The following GLIPR1L2 variants were observed in gnomAD, a reference collection of about 807,000 sequenced individuals.
GLIPR1L2 encodes the protein GLIPR1-like protein 2.
GLIPR1L2 carries 21 observed loss-of-function variants against 28.4 expected under a neutral mutation model. The observed-to-expected ratio is 0.74, with a 90% CI of 0.52 to 1.06. The LOEUF (loss-of-function observed/expected upper bound fraction) is 1.06, where lower values mean the gene tolerates loss of function less well. GLIPR1L2 is among the 50% of genes least tolerant of loss of function. The pLI, the probability that GLIPR1L2 is intolerant of heterozygous loss-of-function variation, is 0.00. For missense variants in GLIPR1L2, 476 were observed against 416.9 expected (o/e 1.14, Z -1.23); for synonymous variants, 145 against 139.3 (o/e 1.04, Z -0.29).
At chr12:75,406,757 CAAA>C (rs373650750) in intron 1 of GLIPR1L2, among the ~76,000 whole-genome samples, 3 of 110,458 alleles carry the variant, frequency 2.7e-5, no homozygotes, top group Admixed American at 9.6e-5. Context: ...GTCCCTATCT[CAAA>C]AAAAAAAAAA....
In GLIPR1L2 at chr12:75,411,643, A is replaced by G. The variant is rs143370528; in HGVS notation, c.480+964A>G. 3.7e-3 allele frequency among the ~76,000 whole-genome samples: 557 copies of G among 151,892 alleles called. 2 individuals are homozygous for G. The highest frequency in any genetic ancestry group is 0.012 in the African/African-American group (510 of 41,462). ...ATAGTACTCTGTGTTTTTACTCCTT[A>G]ATTCTAGTCTCCTAGACCTTTTCGT... On this transcript the variant is annotated intron_variant, in intron 2 of 5. Transcript: ENST00000550916.
chr12:75,428,172 G>T (rs559461833), intron 4 of GLIPR1L2, among the ~76,000 whole-genome samples: 10 of 152,304 alleles, frequency 6.6e-5, no homozygotes, highest in Admixed American at 5.9e-4. Flanking sequence ...TGCTGATAGT[G>T]ATATGGACAA....
intron 1 of GLIPR1L2, among the ~76,000 whole-genome samples, chr12:75,394,781 A>C (rs1027877886): frequency 1.3e-5 from 2 of 151,216 alleles, no homozygotes; most frequent in Non-Finnish European, 3.0e-5. Context: ...AAAAAAAAAA[A>C]AAACATTATT....
intron 1 of GLIPR1L2, among the ~76,000 whole-genome samples, chr12:75,393,161 T>C (rs2045648988): frequency 6.6e-6 from 1 of 152,166 alleles, no homozygotes; most frequent in Non-Finnish European, 1.5e-5. Context: ...ATTCATGCTA[T>C]TGCCGTGTAG....
intron 1 of GLIPR1L2, 127 bp from the exon 2 acceptor site, chr12:75,410,307 T>C: frequency 1.2e-6 from 1 of 866,878 alleles, no homozygotes; most frequent in Non-Finnish European, 1.7e-6. Context: ...CAGAAATTTC[T>C]CAACCAAGAT....
At chr12:75,425,648 A>G (rs1374209461) in intron 4 of GLIPR1L2, among the ~76,000 whole-genome samples, 1 of 152,182 alleles carries the variant, frequency 6.6e-6, no homozygotes, top group Non-Finnish European at 1.5e-5. Context: ...AACAATATTT[A>G]TTGCTTTCTG....
chr12:75,411,525 T>C (rs1258530284), intron 2 of GLIPR1L2, among the ~76,000 whole-genome samples: 1 of 151,768 alleles, frequency 6.6e-6, no homozygotes. Context: ...TTCTAGAAAG[T>C]TACAGTGATT....
At chr12:75,392,761 GGT>G (rs1435557928) in intron 1 of GLIPR1L2, among the ~76,000 whole-genome samples, 3 of 151,460 alleles carry the variant, frequency 2.0e-5, no homozygotes, top group African/African-American at 7.3e-5. Flanking sequence ...TCAAACATAA[GGT>G]ATATAAAATA....
intron 1 of GLIPR1L2, among the ~76,000 whole-genome samples, chr12:75,393,703 A>G (rs1366606117): frequency 6.6e-6 from 1 of 152,050 alleles, no homozygotes; most frequent in African/African-American, 2.4e-5. Context: ...TGCTATAGAC[A>G]TGGGTGTACA....
intron 1 of GLIPR1L2, among the ~76,000 whole-genome samples, chr12:75,395,811 A>C (rs922043650): frequency 1.3e-5 from 2 of 151,738 alleles, no homozygotes; most frequent in African/African-American, 2.4e-5. Context: ...GATCTTTTTG[A>C]AGAACCAGCT....
At chr12:75,419,215 G>A (rs2045953838) in intron 3 of GLIPR1L2, among the ~76,000 whole-genome samples, 1 of 152,110 alleles carries the variant, frequency 6.6e-6, no homozygotes. Flanking sequence ...GGAGAAAATA[G>A]GAGAGAAAAT....
chr12:75,406,365 T>C (rs890926844), intron 1 of GLIPR1L2, among the ~76,000 whole-genome samples: 1 of 152,134 alleles, frequency 6.6e-6, no homozygotes, highest in Non-Finnish European at 1.5e-5. Context: ...AACCATAGAC[T>C]ATCTCAAAGA....
rs376936307 is a variant in GLIPR1L2, at chr12:75,406,652, G to A, written c.235-3782G>A. On this transcript the variant is annotated intron_variant, in intron 1 of 5. Coordinates refer to ENST00000550916, the MANE Select transcript of GLIPR1L2 (RefSeq NM_001270396.2). ...GCACACCTGTAATCCCAGCTACTAG[G>A]GAGGCTAACAAAGGAGGATCAGTTG... 4.5e-4 allele frequency among the ~76,000 whole-genome samples: 68 copies of A among 151,604 alleles called. 1 individual carries two copies. The South Asian group carries it at 0.01, about 23-fold the overall frequency.
intron 1 of GLIPR1L2, among the ~76,000 whole-genome samples, chr12:75,407,907 G>A (rs1390162592): frequency 2.6e-5 from 4 of 151,988 alleles, no homozygotes; most frequent in African/African-American, 4.8e-5. Flanking sequence ...ACATGTATGA[G>A]AGTTTATGAT....
At chr12:75,418,047 A>G (rs4394867) in intron 3 of GLIPR1L2, among the ~76,000 whole-genome samples, 52,943 of 151,876 alleles carry the variant, frequency 0.35, 9,596 homozygotes, top group East Asian at 0.46. Flanking sequence ...GTTGACTACA[A>G]GACCTTTCAT....
chr12:75,428,166 G>C (rs1396325761), intron 4 of GLIPR1L2, among the ~76,000 whole-genome samples: 1 of 152,204 alleles, frequency 6.6e-6, no homozygotes, highest in Non-Finnish European at 1.5e-5. Context: ...CCAAAATGCT[G>C]ATAGTGATAT....
At chr12:75,419,853 A>G (rs770615871) in intron 3 of GLIPR1L2, among the ~76,000 whole-genome samples, 4 of 152,226 alleles carry the variant, frequency 2.6e-5, no homozygotes, top group Non-Finnish European at 5.9e-5. Flanking sequence ...GAATAGGCCC[A>G]GGAAGTAGTC....
intron 3 of GLIPR1L2, among the ~76,000 whole-genome samples, chr12:75,420,311 A>G (rs1371560446): frequency 6.6e-6 from 1 of 152,232 alleles, no homozygotes; most frequent in Non-Finnish European, 1.5e-5. Context: ...AGTCTAGTGT[A>G]GGCAAAGAAA....
At chr12:75,430,624 AGAAAGTGAC>A in intron 4 of GLIPR1L2, 82 bp from the exon 5 acceptor site, 2 of 1,198,284 alleles carry the variant, frequency 1.7e-6, no homozygotes, top group Non-Finnish European at 2.3e-6. Flanking sequence ...GAGAACTAGG[AGAAAGTGAC>A]ACTATTATTG....
Sources: allele counts gnomAD v4.1 joint callset (sites outside exome capture counted in the v4.1 genomes callset), GRCh38; gene constraint gnomAD v4.1.1; transcripts MANE v1.5; gene names NCBI Gene and HGNC (gene_info 2026-07-23, HGNC 2026-07-21).